The following ADAMTSL1 variants were observed in gnomAD, a reference collection of about 807,000 sequenced individuals.
ADAMTSL1 encodes ADAMTS-like protein 1.
ADAMTSL1 carries 126 observed loss-of-function variants against 201.8 expected under a neutral mutation model. The observed-to-expected ratio is 0.62, with a 90% CI of 0.54 to 0.72. ADAMTSL1 has a LOEUF of 0.72. ADAMTSL1 is among the 30% of genes least tolerant of loss of function. The pLI is 0.00. For synonymous variants in ADAMTSL1, 1,121 were observed against 903.4 expected, an observed-to-expected ratio of 1.24 and a Z score of -4.32; for missense variants, 2,679 against 2,277.8, an observed-to-expected ratio of 1.18 and a Z score of -3.59.
chr9:18,297,423 C>T (rs1392709830), intron 2 of ADAMTSL1, among the ~76,000 whole-genome samples: 1 of 150,850 alleles, frequency 6.6e-6, no homozygotes, highest in Non-Finnish European at 1.5e-5. Flanking sequence ...CATTTCCTGC[C>T]TGGAGAAAGT....
Position 18,775,914 on chromosome 9 carries a change from C to G in ADAMTSL1, c.2551+18C>G. ...CTGTGCAAGTAAGTATGTCAGGGCT[C>G]TGGGAATGGGGAGATGAAACCCACA... On this transcript the variant is annotated intron_variant, in intron 18 of 28. Transcript: ENST00000380548. 1.3e-6 allele frequency: 2 copies of G among 1,578,536 alleles called. No homozygotes were observed. Among genetic ancestry groups the G allele is most frequent in the Non-Finnish European group, 1.7e-6 (2 of 1,161,120 alleles).
chr9:18,767,264 T>G (rs1250762840), intron 16 of ADAMTSL1, among the ~76,000 whole-genome samples: 1 of 152,218 alleles, frequency 6.6e-6, no homozygotes, highest in Non-Finnish European at 1.5e-5. Context: ...CAGCACAAAC[T>G]TGTTTCTTTC....
intron 2 of ADAMTSL1, among the ~76,000 whole-genome samples, chr9:18,254,517 C>T (rs1050458732): frequency 4.0e-5 from 6 of 151,674 alleles, no homozygotes; most frequent in Non-Finnish European, 7.4e-5. Flanking sequence ...CTCCCGCCAC[C>T]ACGCCCGGCT....
At chr9:18,890,477 A>C in intron 25 of ADAMTSL1, 1 of 455,948 alleles carries the variant, frequency 2.2e-6, no homozygotes, top group Non-Finnish European at 4.4e-6. Context: ...GATGTGGCTC[A>C]GCTCTCAAAT....
chr9:18,791,556 T>G (rs1204942659), intron 19 of ADAMTSL1, among the ~76,000 whole-genome samples: 1 of 152,108 alleles, frequency 6.6e-6, no homozygotes, highest in African/African-American at 2.4e-5. Context: ...AACATGAGAT[T>G]CTACTTCAAA....
chr9:18,732,713 C>A (rs569305965), intron 15 of ADAMTSL1, among the ~76,000 whole-genome samples: 1 of 151,980 alleles, frequency 6.6e-6, no homozygotes, highest in South Asian at 2.1e-4. Flanking sequence ...AAAGAAGGAA[C>A]AAAGAGAGTA....
intron 19 of ADAMTSL1, among the ~76,000 whole-genome samples, chr9:18,792,026 G>A (rs1425639808): frequency 6.6e-6 from 1 of 152,094 alleles, no homozygotes; most frequent in Non-Finnish European, 1.5e-5. Context: ...GCCAGGGTAG[G>A]AGAGGGTTAC....
intron 2 of ADAMTSL1, among the ~76,000 whole-genome samples, chr9:18,301,370 C>A (rs10963562): frequency 6.6e-6 from 1 of 152,138 alleles, no homozygotes; most frequent in Non-Finnish European, 1.5e-5. Context: ...CAGGAGATTG[C>A]GGTACAGTAG....
intron 2 of ADAMTSL1, among the ~76,000 whole-genome samples, chr9:18,446,069 A>G (rs1005753944): frequency 1.3e-5 from 2 of 152,186 alleles, no homozygotes; most frequent in African/African-American, 4.8e-5. Context: ...ATTTCATCCC[A>G]GAACCCAAGA....
intron 7 of ADAMTSL1, among the ~76,000 whole-genome samples, chr9:18,654,702 C>G (rs967253551): frequency 6.6e-6 from 1 of 152,214 alleles, no homozygotes; most frequent in Non-Finnish European, 1.5e-5. Context: ...AACAGCAGTT[C>G]CTGAGGATAC....
chr9:17,989,893 T>G (rs1451262893), intron 1 of ADAMTSL1, among the ~76,000 whole-genome samples: 1 of 151,910 alleles, frequency 6.6e-6, no homozygotes, highest in African/African-American at 2.4e-5. Flanking sequence ...GGCAAATGGT[T>G]TTGATACAAG....
At chr9:18,272,896 A>G (rs1832436937) in intron 2 of ADAMTSL1, among the ~76,000 whole-genome samples, 2 of 152,208 alleles carry the variant, frequency 1.3e-5, no homozygotes, top group Admixed American at 6.5e-5. Flanking sequence ...GTTTTGCCTT[A>G]TGTACTGCCT....
chr9:18,343,162 T>C (rs1421304918), intron 2 of ADAMTSL1, among the ~76,000 whole-genome samples: 1 of 152,026 alleles, frequency 6.6e-6, no homozygotes, highest in Non-Finnish European at 1.5e-5. Flanking sequence ...CTTGTCTCTA[T>C]AGGAAATAAA....
At chr9:18,815,730 A>T (rs1190384710) in intron 20 of ADAMTSL1, among the ~76,000 whole-genome samples, 2 of 150,920 alleles carry the variant, frequency 1.3e-5, no homozygotes, top group Non-Finnish European at 3.0e-5. Context: ...AAAAAAAAAA[A>T]AAAAAGAGAA....
chr9:18,116,812 C>T (rs1052031984), intron 1 of ADAMTSL1, among the ~76,000 whole-genome samples: 1 of 152,144 alleles, frequency 6.6e-6, no homozygotes, highest in Admixed American at 6.5e-5. Context: ...GTGTGCTGCA[C>T]CCATTAACTC....
chr9:17,919,557 A>G (rs1793702519), intron 1 of ADAMTSL1, among the ~76,000 whole-genome samples: 1 of 152,054 alleles, frequency 6.6e-6, no homozygotes, highest in African/African-American at 2.4e-5. Context: ...TTTCGTATCA[A>G]TGGAATTATA....
rs114395213 is a variant in ADAMTSL1 at position 18,695,178 on chromosome 9, T to C, written c.1574+10378T>C. On this transcript the variant is annotated intron_variant, in intron 13 of 28. Coordinates refer to ENST00000380548, the MANE Select transcript of ADAMTSL1 (RefSeq NM_001040272.6). ...CCCTCCTAGGCCTCCAGGCCTGTGA[T>C]AGGAGGGACTGCCACAGCTCTGAAA... Among the ~76,000 whole-genome samples, 740 of 152,330 alleles carry C rather than the reference T, an allele frequency of 4.9e-3. 7 individuals carry two copies. Among genetic ancestry groups the C allele is most frequent in the African/African-American group, 0.017 (701 of 41,582 alleles).
At chr9:17,950,941 C>T (rs1043454158) in intron 1 of ADAMTSL1, among the ~76,000 whole-genome samples, 4 of 152,114 alleles carry the variant, frequency 2.6e-5, no homozygotes, top group Admixed American at 2.0e-4. Flanking sequence ...ATTACCACCC[C>T]TAGGCTTGAC....
intron 2 of ADAMTSL1, among the ~76,000 whole-genome samples, chr9:18,330,909 A>T (rs1333840012): frequency 1.3e-5 from 2 of 152,230 alleles, no homozygotes; most frequent in African/African-American, 4.8e-5. Context: ...GATTTTCAAC[A>T]TACAGAGATG....
Sources: allele counts gnomAD v4.1 joint callset (sites outside exome capture counted in the v4.1 genomes callset), GRCh38; gene constraint gnomAD v4.1.1; transcripts MANE v1.5; gene names NCBI Gene and HGNC (gene_info 2026-07-23, HGNC 2026-07-21).